Variants in SGPP2 observed in about 807,000 individuals in gnomAD.
The protein encoded by SGPP2 is sphingosine 1-phosphate phosphohydrolase 2.
In SGPP2, 30 loss-of-function variants were observed where a neutral mutation model predicts 33.9. The ratio of observed to expected loss-of-function variants is 0.89; its 90% CI spans 0.66 to 1.20. The LOEUF is 1.20. SGPP2 is among the 50% of genes most tolerant of loss of function. The pLI is 0.00. For synonymous variants in SGPP2, 233 were observed against 225.0 expected, an observed-to-expected ratio of 1.04 and a Z score of -0.32; for missense variants, 458 against 532.1, an observed-to-expected ratio of 0.86 and a Z score of 1.37.
At chr2:222,523,666 A>G (rs1051583182) in intron 3 of SGPP2, among the ~76,000 whole-genome samples, 2 of 151,834 alleles carry the variant, frequency 1.3e-5, no homozygotes, top group Admixed American at 6.6e-5. Flanking sequence ...TTGCTCATAA[A>G]CAGCTCTAAA....
rs146446086 is a variant in SGPP2 at position 222,458,017 on chromosome 2, G to A, written c.220-16551G>A. On this transcript the variant is annotated intron_variant, in intron 1 of 4. Transcript: ENST00000321276. ...CCCCAGTTACCTGGTTCTAGGAGCC[G>A]ATGACCATTAAGTGTCTCTTTGTGT... Among the ~76,000 whole-genome samples, 312 of 152,204 alleles carry A rather than the reference G, an allele frequency of 2.0e-3. 3 individuals carry two copies. The highest frequency in any genetic ancestry group is 0.017 in the East Asian group (90 of 5,184).
At chr2:222,532,434 G>A (rs571770977) in intron 4 of SGPP2, among the ~76,000 whole-genome samples, 3 of 152,284 alleles carry the variant, frequency 2.0e-5, no homozygotes, top group Admixed American at 2.0e-4. Context: ...CCCTGTCAAG[G>A]CTTTGCTGAC....
chr2:222,496,869 T>C (rs1248598310), intron 2 of SGPP2, among the ~76,000 whole-genome samples: 2 of 152,222 alleles, frequency 1.3e-5, no homozygotes, highest in Non-Finnish European at 2.9e-5. Context: ...GAACCTGGCA[T>C]CTGGCAGCAA....
intron 1 of SGPP2, among the ~76,000 whole-genome samples, chr2:222,439,437 C>CA (rs1697292838): frequency 6.6e-6 from 1 of 152,066 alleles, no homozygotes; most frequent in African/African-American, 2.4e-5. Context: ...GAGGCTGAGA[C>CA]ACGAGAATCA....
At chr2:222,546,825 C>CCA (rs1689209458) in intron 4 of SGPP2, among the ~76,000 whole-genome samples, 1 of 116,650 alleles carries the variant, frequency 8.6e-6, no homozygotes. Flanking sequence ...ACACATGTTG[C>CCA]AAAAAAAAAA....
chr2:222,478,603 T>A (rs1189858010), intron 2 of SGPP2, among the ~76,000 whole-genome samples: 8 of 152,210 alleles, frequency 5.3e-5, no homozygotes, highest in African/African-American at 1.4e-4. Flanking sequence ...TGAAGTCTTG[T>A]AACTGAACAT....
intron 1 of SGPP2, among the ~76,000 whole-genome samples, chr2:222,444,799 A>G (rs1182535915): frequency 6.6e-6 from 1 of 152,218 alleles, no homozygotes; most frequent in Non-Finnish European, 1.5e-5. Flanking sequence ...GGCTTTAGAA[A>G]ACAATACATT....
At chr2:222,557,638 C>A (rs758988074) in intron 4 of SGPP2, among the ~76,000 whole-genome samples, 4 of 152,064 alleles carry the variant, frequency 2.6e-5, no homozygotes, top group Non-Finnish European at 5.9e-5. Flanking sequence ...AAATGTGGGA[C>A]ATCAAGGAGT....
Position 222,558,973 on chromosome 2 carries a change from G to A in SGPP2, c.*75G>A. On this transcript the variant is annotated 3_prime_UTR_variant, in exon 5 of 5. Coordinates refer to ENST00000321276, the MANE Select transcript of SGPP2 (RefSeq NM_152386.4). ...GGAAAGTTATTGGTAGGCAAATCTT[G>A]ACAACTTATTTTTCTTTAACAACAA... is the stretch of plus-strand genomic sequence containing the variant. The A allele has an allele frequency of 6.9e-7, 1 of 1,451,728 alleles. No individual in the cohort carries two copies. Among genetic ancestry groups the A allele is most frequent in the Non-Finnish European group, 9.4e-7 (1 of 1,068,170 alleles). The allele number at this position is 1,451,728 out of a possible 1,614,324, so 89.9% of individuals were successfully genotyped here.
intron 1 of SGPP2, among the ~76,000 whole-genome samples, chr2:222,438,587 C>T (rs1263992726): frequency 6.6e-6 from 1 of 152,206 alleles, no homozygotes; most frequent in Admixed American, 6.5e-5. Flanking sequence ...TGGTTGCATA[C>T]CAGGTACCAG....
chr2:222,551,629 C>T (rs1039830834), intron 4 of SGPP2, among the ~76,000 whole-genome samples: 3 of 152,140 alleles, frequency 2.0e-5, no homozygotes, highest in African/African-American at 7.2e-5. Context: ...TACAATATCA[C>T]CTTTATGGCT....
chr2:222,426,234 AG>A (rs1697069501), intron 1 of SGPP2, among the ~76,000 whole-genome samples: 16 of 148,392 alleles, frequency 1.1e-4, no homozygotes, highest in African/African-American at 3.0e-4. Context: ...AAAAAAAAAA[AG>A]ACCAAAACAA....
At chr2:222,518,867 A>G (rs2106131292) in intron 2 of SGPP2, among the ~76,000 whole-genome samples, 1 of 152,346 alleles carries the variant, frequency 6.6e-6, no homozygotes, top group Non-Finnish European at 1.5e-5. Context: ...AGTGAAGCAC[A>G]AACACATATG....
rs552730170 is a variant in SGPP2 at position 222,521,811 on chromosome 2, G to T, written c.423G>T (p.Trp141Cys). The T allele has an allele frequency of 5.0e-6, 8 of 1,610,068 alleles. No individual in the cohort carries two copies. In the African/African-American group the frequency reaches 5.4e-5, roughly 11 times the overall value. ...AAGTGGCCAAGGATGTCTTGAAGTGGCCCCGTCCCTCCTCCCCTCCAGTTG... is the reference window on the plus strand; with the variant it reads ...AAGTGGCCAAGGATGTCTTGAAGTGTCCCCGTCCCTCCTCCCCTCCAGTTG... ...IGQVAKDVLK[W>C]PRPSSPPVVK... Residue 141 changes from tryptophan to cysteine, a missense_variant, in exon 3 of 5, where the codon TGG becomes TGT. Coordinates refer to ENST00000321276, the MANE Select transcript of SGPP2 (RefSeq NM_152386.4).
At chr2:222,452,506 C>T (rs1697507047) in intron 1 of SGPP2, 2 of 908,898 alleles carry the variant, frequency 2.2e-6, no homozygotes, top group Non-Finnish European at 3.7e-6. Context: ...ATGGCTTTCC[C>T]CAGCAGTTTC....
Position 222,477,319 on chromosome 2 carries a change from A to G in SGPP2, c.378+2593A>G, listed in dbSNP as rs1190636167. On this transcript the variant is annotated intron_variant, in intron 2 of 4. Coordinates refer to ENST00000321276, the MANE Select transcript of SGPP2 (RefSeq NM_152386.4). The surrounding 1 kb of genome is among the most constrained non-coding windows in gnomAD (Gnocchi z 6.0). ...TATGTGTGTATATAGGTGTGAGTAT[A>G]TATGTGTGTCTATGTGTGTGTGTAT... Among the ~76,000 whole-genome samples the G allele has an allele frequency of 6.8e-6, 1 of 146,666 alleles. No individual in the cohort carries two copies. The highest frequency in any genetic ancestry group is 2.6e-5 in the African/African-American group (1 of 38,510).
At chr2:222,455,043 T>C (rs574816176) in intron 1 of SGPP2, among the ~76,000 whole-genome samples, 1 of 152,204 alleles carries the variant, frequency 6.6e-6, no homozygotes, top group South Asian at 2.1e-4. Context: ...GCTTGAAGTC[T>C]AGTTTAGATG....
At chr2:222,545,877 C>G (rs1297310220) in intron 4 of SGPP2, among the ~76,000 whole-genome samples, 1 of 152,184 alleles carries the variant, frequency 6.6e-6, no homozygotes, top group African/African-American at 2.4e-5. Context: ...GTTTATCCAT[C>G]ACAGCCATAA....
At chr2:222,434,062 A>G (rs1697198469) in intron 1 of SGPP2, among the ~76,000 whole-genome samples, 2 of 152,160 alleles carry the variant, frequency 1.3e-5, no homozygotes. Flanking sequence ...CTTGCATTTT[A>G]TCCAGCAGGA....
Sources: gnomAD v4.1 joint callset for allele counts (sites outside exome capture counted in the v4.1 genomes callset) on GRCh38, gnomAD v4.1.1 for gene constraint, Gnocchi (gnomAD v3.1) non-coding constraint, MANE v1.5 for transcripts, NCBI Gene and HGNC (gene_info 2026-07-23, HGNC 2026-07-21) for gene names.